DCLK1: variants seen among roughly 807,000 people sequenced by gnomAD.
DCLK1 encodes serine/threonine-protein kinase DCLK1.
Under a neutral mutation model 86.2 loss-of-function variants are expected in DCLK1, and 16 were observed. That is an observed-to-expected ratio of 0.19 (90% CI 0.13 to 0.28). The LOEUF (loss-of-function observed/expected upper bound fraction) is 0.28. DCLK1 is among the 10% of genes least tolerant of loss of function. The pLI is 1.00. For missense variants in DCLK1, 590 were observed against 940.2 expected (o/e 0.63, Z 4.87); for synonymous variants, 369 against 370.5 (o/e 1.00, Z 0.05).
At chr13:35,871,382 G>A in intron 4 of DCLK1, 42 bp from the exon 5 acceptor site, 1 of 1,460,798 alleles carries the variant, frequency 6.8e-7, no homozygotes. Context: ...TGGGGTAATG[G>A]CACACACACA....
At position 36,032,088 on chromosome 13, in the gene DCLK1, T is replaced by C. The variant is rs147253445; in HGVS notation, c.723+79781A>G. Among the ~76,000 whole-genome samples the C allele has an allele frequency of 5.0e-3, 767 of 152,368 alleles. 6 individuals carry two copies. Among genetic ancestry groups the C allele is most frequent in the African/African-American group, 0.018 (738 of 41,600 alleles). On this transcript the variant is annotated intron_variant, in intron 3 of 16. Transcript: ENST00000360631. ...GTTGTCAACTGTAAATTAGGTATTA[T>C]GTTTCTACAAATCAGTTTTTCTTTT...
In DCLK1 at chr13:35,917,067, C is replaced by T. The variant is rs558986181; in HGVS notation, c.823+30291G>A. 1.2e-3 allele frequency among the ~76,000 whole-genome samples: 177 copies of T among 152,316 alleles called. 1 individual carries two copies. The highest frequency in any genetic ancestry group is 3.9e-3 in the African/African-American group (163 of 41,572). On this transcript the variant is annotated intron_variant, in intron 4 of 16. Coordinates refer to ENST00000360631, the MANE Select transcript of DCLK1 (RefSeq NM_001330071.2). ...AACAAACAGGCCTTGCTTAACCCCCCAGTTCATGACACTTAACTCATACCC... is the reference window on the plus strand; with the variant it reads ...AACAAACAGGCCTTGCTTAACCCCCTAGTTCATGACACTTAACTCATACCC...
intron 4 of DCLK1, among the ~76,000 whole-genome samples, chr13:35,937,896 G>A (rs980242362): frequency 1.3e-5 from 2 of 152,172 alleles, no homozygotes; most frequent in African/African-American, 4.8e-5. Flanking sequence ...TTGGTGAGAT[G>A]ACAGAGATGA....
chr13:35,809,158 A>G, intron 12 of DCLK1, 63 bp from the exon 13 acceptor site: 2 of 1,376,980 alleles, frequency 1.5e-6, no homozygotes, highest in Non-Finnish European at 2.0e-6. Flanking sequence ...GCAGCTTGGT[A>G]AAATCAATGA....
At chr13:36,077,556 T>C (rs1400762219) in intron 3 of DCLK1, among the ~76,000 whole-genome samples, 2 of 152,136 alleles carry the variant, frequency 1.3e-5, no homozygotes, top group Admixed American at 1.3e-4. Flanking sequence ...CACTAAAGAC[T>C]TGCAAGCAGA....
intron 6 of DCLK1, chr13:35,848,861 A>G (rs1870400718): frequency 3.1e-5 from 31 of 985,242 alleles, no homozygotes; most frequent in Non-Finnish European, 3.7e-5. Context: ...CAAAGACATA[A>G]CTAAAACAGA....
At chr13:35,950,413 T>G (rs1245174677) in intron 3 of DCLK1, among the ~76,000 whole-genome samples, 1 of 152,218 alleles carries the variant, frequency 6.6e-6, no homozygotes, top group Non-Finnish European at 1.5e-5. Flanking sequence ...CCTTGAGGCA[T>G]TACTGTACAT....
At chr13:35,789,881 T>G (rs1464544191) in intron 16 of DCLK1, among the ~76,000 whole-genome samples, 1 of 151,764 alleles carries the variant, frequency 6.6e-6, no homozygotes, top group African/African-American at 2.4e-5. Context: ...TCCCTTTCTC[T>G]CTCTCTTTTT....
intron 3 of DCLK1, among the ~76,000 whole-genome samples, chr13:35,968,561 G>C (rs544669797): frequency 6.6e-6 from 1 of 152,148 alleles, no homozygotes; most frequent in Non-Finnish European, 1.5e-5. Flanking sequence ...CTAACAGCTT[G>C]CACACTGACA....
chr13:35,825,876 G>A (rs891226742), intron 10 of DCLK1, among the ~76,000 whole-genome samples: 3 of 151,362 alleles, frequency 2.0e-5, no homozygotes, highest in Non-Finnish European at 2.9e-5. Context: ...GCAATGGCGC[G>A]ATCTTGGCTC....
At chr13:36,063,814 A>C (rs1883644543) in intron 3 of DCLK1, among the ~76,000 whole-genome samples, 1 of 152,242 alleles carries the variant, frequency 6.6e-6, no homozygotes, top group Middle Eastern at 3.2e-3. Context: ...CAGCTTTATT[A>C]ATTAGCATAT....
chr13:36,088,125 C>T (rs1884681804), intron 3 of DCLK1, among the ~76,000 whole-genome samples: 1 of 152,170 alleles, frequency 6.6e-6, no homozygotes, highest in Non-Finnish European at 1.5e-5. Flanking sequence ...ACTTTACATC[C>T]TAGTGGTTAT....
At chr13:35,893,852 G>T (rs1388473410) in intron 4 of DCLK1, among the ~76,000 whole-genome samples, 29 of 152,166 alleles carry the variant, frequency 1.9e-4, no homozygotes, top group Admixed American at 1.9e-3. Context: ...GCAGGAAAAT[G>T]ATTGCTTATT....
chr13:35,809,964 T>C (rs1252065923), intron 12 of DCLK1, among the ~76,000 whole-genome samples: 3 of 152,138 alleles, frequency 2.0e-5, no homozygotes, highest in Non-Finnish European at 4.4e-5. Flanking sequence ...TTCCCAGCTG[T>C]GGACTGAAAC....
chr13:36,125,145 A>T (rs1489859842), intron 2 of DCLK1, among the ~76,000 whole-genome samples: 1 of 152,234 alleles, frequency 6.6e-6, no homozygotes, highest in Non-Finnish European at 1.5e-5. Flanking sequence ...TGAACAGATT[A>T]GTCCCTGCAT....
chr13:35,920,801 C>CTGCGTG (rs1180690683), intron 4 of DCLK1, among the ~76,000 whole-genome samples: 1 of 152,110 alleles, frequency 6.6e-6, no homozygotes, highest in Admixed American at 6.5e-5. Context: ...ACATACACAG[C>CTGCGTG]TGCGTGTATC....
intron 6 of DCLK1, chr13:35,850,153 T>C (rs1413830810): frequency 3.0e-6 from 3 of 985,146 alleles, no homozygotes; most frequent in Non-Finnish European, 3.6e-6. Flanking sequence ...CACAAAACAG[T>C]AAGTAGCTTT....
At chr13:36,040,535 C>T (rs1882666042) in intron 3 of DCLK1, among the ~76,000 whole-genome samples, 1 of 151,450 alleles carries the variant, frequency 6.6e-6, no homozygotes, top group South Asian at 2.1e-4. Context: ...TGACTTATCA[C>T]TATTGATGTT....
chr13:35,827,855 T>A (rs1868611951), intron 9 of DCLK1, 101 bp from the exon 10 acceptor site: 2 of 1,438,554 alleles, frequency 1.4e-6, no homozygotes, highest in Non-Finnish European at 1.9e-6. Context: ...GAGAGATGCA[T>A]TTTGGTAAAA....
Sources: gnomAD v4.1 joint callset for allele counts (sites outside exome capture counted in the v4.1 genomes callset) on GRCh38, gnomAD v4.1.1 for gene constraint, MANE v1.5 for transcripts, NCBI Gene and HGNC (gene_info 2026-07-23, HGNC 2026-07-21) for gene names.